UBE3C: variants seen among roughly 807,000 people sequenced by gnomAD.
The protein encoded by UBE3C is ubiquitin protein ligase E3C.
UBE3C carries 42 observed loss-of-function variants against 129.4 expected under a neutral mutation model. The ratio of observed to expected loss-of-function variants is 0.32; its 90% confidence interval spans 0.25 to 0.42. The LOEUF is 0.42. Ranked by LOEUF, UBE3C falls within the 10% of genes least tolerant of loss-of-function variation. The pLI is 1.00. For missense variants in UBE3C, 1,049 were observed against 1,319.1 expected (o/e 0.80, Z 3.17); for synonymous variants, 510 against 492.4 (o/e 1.04, Z -0.47).
At chr7:157,234,918 A>G (rs1796114961) in intron 18 of UBE3C, among the ~76,000 whole-genome samples, 1 of 152,218 alleles carries the variant, frequency 6.6e-6, no homozygotes, top group Non-Finnish European at 1.5e-5. Context: ...TGGGCCAGGC[A>G]TGGTGGATCA....
intron 18 of UBE3C, among the ~76,000 whole-genome samples, chr7:157,242,254 G>C (rs550215925): frequency 6.6e-6 from 1 of 152,248 alleles, no homozygotes; most frequent in South Asian, 2.1e-4. Flanking sequence ...GGATGCTTTC[G>C]TTCTAAAGCT....
intron 1 of UBE3C, among the ~76,000 whole-genome samples, chr7:157,160,036 A>T (rs1808025723): frequency 6.6e-6 from 1 of 152,086 alleles, no homozygotes; most frequent in African/African-American, 2.4e-5. Flanking sequence ...TTTATAAATA[A>T]ACTTGTTAGA....
intron 18 of UBE3C, chr7:157,231,637 G>T: frequency 6.1e-6 from 2 of 325,752 alleles, no homozygotes; most frequent in Non-Finnish European, 1.2e-5. Context: ...ATTGTGGGAA[G>T]GGCCCTGGTG....
At chr7:157,195,850 AAC>A (rs1375699695) in intron 10 of UBE3C, among the ~76,000 whole-genome samples, 2 of 151,978 alleles carry the variant, frequency 1.3e-5, no homozygotes, top group Non-Finnish European at 2.9e-5. Context: ...TGAATCTTTT[AAC>A]ACAGGGGTGG....
intron 1 of UBE3C, among the ~76,000 whole-genome samples, chr7:157,146,937 C>T (rs1450718542): frequency 6.6e-6 from 1 of 152,210 alleles, no homozygotes; most frequent in Non-Finnish European, 1.5e-5. Context: ...GGGAGTGAGA[C>T]ACCGCGCCCA....
At chr7:157,199,631 C>G (rs1158185995) in intron 10 of UBE3C, among the ~76,000 whole-genome samples, 1 of 151,868 alleles carries the variant, frequency 6.6e-6, no homozygotes, top group African/African-American at 2.4e-5. Context: ...CCACCACGCC[C>G]AGCTAATTTT....
At chr7:157,244,046 C>T (rs182079557) in intron 18 of UBE3C, among the ~76,000 whole-genome samples, 97 of 152,176 alleles carry the variant, frequency 6.4e-4, no homozygotes, top group African/African-American at 2.3e-3. Flanking sequence ...TCCTGGCCAA[C>T]GTGGGGAAAC....
intron 18 of UBE3C, among the ~76,000 whole-genome samples, chr7:157,247,345 T>C (rs1796505001): frequency 6.6e-6 from 1 of 152,258 alleles, no homozygotes; most frequent in Non-Finnish European, 1.5e-5. Context: ...GCCTGGCACC[T>C]AGTACCTAGT....
In UBE3C at chr7:157,198,157, T is replaced by A. The variant is rs1809176226; in HGVS notation, c.1332-3564T>A. The A allele has an allele frequency of 4.3e-6, 7 of 1,613,236 alleles. No homozygotes were observed. In the Admixed American group the frequency reaches 1.0e-4, roughly 23 times the overall value. ...AAACTGAAACCATTGCTCCACAGTT[T>A]AAGCAAAATCTGAACATCTTGTAGC... On this transcript the variant is annotated intron_variant, in intron 10 of 22. Coordinates refer to ENST00000348165, the MANE Select transcript of UBE3C (RefSeq NM_014671.3).
At chr7:157,157,390 C>T (rs1009408800) in intron 1 of UBE3C, among the ~76,000 whole-genome samples, 2 of 151,936 alleles carry the variant, frequency 1.3e-5, no homozygotes, top group African/African-American at 4.8e-5. Context: ...ATTTGTAGAA[C>T]AAGATGAAAA....
intron 1 of UBE3C, among the ~76,000 whole-genome samples, chr7:157,161,570 A>G (rs1009933887): frequency 2.7e-5 from 4 of 150,578 alleles, no homozygotes; most frequent in African/African-American, 9.8e-5. Flanking sequence ...TTCTGCCTCA[A>G]CCCCCAAGTA....
chr7:157,230,271 C>A (rs1040354073), intron 17 of UBE3C, among the ~76,000 whole-genome samples: 1 of 152,038 alleles, frequency 6.6e-6, no homozygotes, highest in African/African-American at 2.4e-5. Context: ...CAGCCAAATA[C>A]AGCTTTTAAA....
intron 1 of UBE3C, among the ~76,000 whole-genome samples, chr7:157,150,828 T>G (rs1807737086): frequency 6.6e-6 from 1 of 152,244 alleles, no homozygotes; most frequent in Non-Finnish European, 1.5e-5. Flanking sequence ...AGTTGCTTAT[T>G]GCTGTGTAAT....
intron 8 of UBE3C, among the ~76,000 whole-genome samples, 160 bp downstream of exon 8, chr7:157,182,488 G>A (rs1228765562): frequency 2.6e-5 from 4 of 152,024 alleles, no homozygotes; most frequent in South Asian, 2.1e-4. Context: ...GTGTTCCTGG[G>A]GACAGTTTCC....
At chr7:157,198,266 G>A (rs1809179067) in intron 10 of UBE3C, 1 of 1,089,962 alleles carries the variant, frequency 9.2e-7, no homozygotes. Flanking sequence ...ACATTGAGGT[G>A]GTGTCCGTGG....
At chr7:157,148,716 A>G (rs1807673632) in intron 1 of UBE3C, among the ~76,000 whole-genome samples, 1 of 151,744 alleles carries the variant, frequency 6.6e-6, no homozygotes, top group Non-Finnish European at 1.5e-5. Flanking sequence ...AATATTTTCT[A>G]AGATCAAATT....
intron 18 of UBE3C, among the ~76,000 whole-genome samples, chr7:157,245,080 G>T (rs1002379106): frequency 3.3e-5 from 5 of 152,126 alleles, no homozygotes; most frequent in African/African-American, 1.2e-4. Flanking sequence ...AATCCATTTA[G>T]CTGATGCAAT....
At position 157,182,196 on chromosome 7, in the gene UBE3C, G is replaced by A. The variant is rs1808682177; in HGVS notation, c.859G>A (p.Asp287Asn). Residue 287 changes from aspartate (D) to asparagine (N), a missense_variant, in exon 8 of 23, where the codon GAT becomes AAT. Coordinates refer to ENST00000348165, the MANE Select transcript of UBE3C (RefSeq NM_014671.3). The stretch of plus-strand genomic sequence containing the variant: ...TCATTTCATCATTCCGGCGCTTGCA[G>A]ATGCGCAGACCGTTTTCCCTTACGA... Reference protein sequence around the residue: ...IFHFIIPALADAQTVFPYEPF... With the variant: ...IFHFIIPALANAQTVFPYEPF... The A allele has an allele frequency of 6.2e-7, 1 of 1,614,120 alleles. No homozygotes were observed. The highest frequency in any genetic ancestry group is 1.7e-5 in the Admixed American group (1 of 60,000).
chr7:157,254,644 C>A (rs1796701923), intron 21 of UBE3C, among the ~76,000 whole-genome samples: 1 of 151,924 alleles, frequency 6.6e-6, no homozygotes, highest in South Asian at 2.1e-4. Flanking sequence ...GTGATCCACC[C>A]CCCTCAGCCT....
Sources: gnomAD v4.1 joint callset for allele counts (sites outside exome capture counted in the v4.1 genomes callset) on GRCh38, gnomAD v4.1.1 for gene constraint, MANE v1.5 for transcripts, NCBI Gene and HGNC (gene_info 2026-07-23, HGNC 2026-07-21) for gene names.